The following CCDC171 variants were observed in gnomAD, a reference collection of about 807,000 sequenced individuals.
CCDC171 encodes the protein coiled-coil domain containing 171.
A neutral mutation model predicts 168.2 loss-of-function variants in CCDC171; 177 were observed. The observed-to-expected ratio is 1.05, with a 90% CI of 0.93 to 1.19. The LOEUF (loss-of-function observed/expected upper bound fraction) is 1.19, where lower values mean the gene tolerates loss of function less well. Ranked by LOEUF, CCDC171 falls within the 50% of genes most tolerant of loss-of-function variation. The pLI is 0.00. For missense variants in CCDC171, 1,991 were observed against 1,539.0 expected, an observed-to-expected ratio of 1.29 and a Z score of -4.91; for synonymous variants, 687 against 540.8, an observed-to-expected ratio of 1.27 and a Z score of -3.75.
At chr9:16,090,646 A>G in the CCDC171 span, among the ~76,000 whole-genome samples, 1 of 152,214 alleles carries the variant, frequency 6.6e-6, no homozygotes, top group African/African-American at 2.4e-5. Flanking sequence ...ACTTTTATCT[A>G]CCTGTCCCCA....
At chr9:15,778,113 A>C (rs928915922) in intron 19 of CCDC171, among the ~76,000 whole-genome samples, 1 of 146,634 alleles carries the variant, frequency 6.8e-6, no homozygotes, top group African/African-American at 2.5e-5. Context: ...CTGGCTAACA[A>C]GGTGAAACCC....
chr9:15,612,521 G>C (rs2043773992), intron 6 of CCDC171, among the ~76,000 whole-genome samples: 1 of 152,134 alleles, frequency 6.6e-6, no homozygotes, highest in East Asian at 1.9e-4. Flanking sequence ...TCTTCTGATA[G>C]AACTGCAGTC....
upstream of CCDC171, among the ~76,000 whole-genome samples, chr9:16,038,928 A>G (rs888521155): frequency 5.3e-5 from 8 of 151,600 alleles, no homozygotes; most frequent in African/African-American, 1.9e-4. Flanking sequence ...GGCGAAATTT[A>G]TGATTACTGA....
At chr9:15,644,395 G>T (rs2046873379) in intron 7 of CCDC171, among the ~76,000 whole-genome samples, 3 of 152,168 alleles carry the variant, frequency 2.0e-5, no homozygotes, top group Admixed American at 1.3e-4. Context: ...GATGGTGGGT[G>T]CAGGACAGTG....
intron 18 of CCDC171, among the ~76,000 whole-genome samples, chr9:15,747,212 G>A (rs1192192412): frequency 6.6e-6 from 1 of 152,214 alleles, no homozygotes; most frequent in Non-Finnish European, 1.5e-5. Context: ...CAGCTCTGTG[G>A]ATGGGGCATA....
At chr9:15,556,457 T>C (rs1330360286) in intron 1 of CCDC171, among the ~76,000 whole-genome samples, 2 of 152,178 alleles carry the variant, frequency 1.3e-5, no homozygotes, top group African/African-American at 2.4e-5. Flanking sequence ...TGGTATCTCA[T>C]TGTGGTTTTG....
intron 3 of CCDC171, among the ~76,000 whole-genome samples, chr9:16,018,132 T>C (rs11999999): frequency 0.017 from 2,640 of 152,324 alleles, 75 homozygotes; most frequent in African/African-American, 0.059. Flanking sequence ...AGAATAGATG[T>C]TAGGTGCTAA....
intron 7 of CCDC171, among the ~76,000 whole-genome samples, chr9:15,649,263 A>T (rs1314933180): frequency 6.6e-6 from 1 of 152,224 alleles, no homozygotes; most frequent in Non-Finnish European, 1.5e-5. Flanking sequence ...TGAATTAAAG[A>T]CTTAAATGTT....
At chr9:15,603,553 C>T (rs1015931913) in intron 6 of CCDC171, among the ~76,000 whole-genome samples, 4 of 152,276 alleles carry the variant, frequency 2.6e-5, no homozygotes, top group East Asian at 3.9e-4. Context: ...TGGCTTCCAG[C>T]TCTATCCATG....
chr9:15,729,590 T>C lies in CCDC171; in HGVS notation c.1861-20T>C. 6.6e-7 allele frequency: 1 copy of C among 1,526,172 alleles called. No individual in the cohort carries two copies. 94.5% of individuals were successfully genotyped at this position (1,526,172 alleles called of 1,614,324 possible). On this transcript the variant is annotated intron_variant, in intron 15 of 25. Coordinates refer to ENST00000380701, the MANE Select transcript of CCDC171 (RefSeq NM_173550.4). ...TAGCTTGTGAGCATATTTCCTTCTC[T>C]GTTGCATCTCCCCGTATAGATAAGG...
intron 3 of CCDC171, among the ~76,000 whole-genome samples, chr9:15,991,982 C>T (rs1029821129): frequency 6.6e-6 from 1 of 152,128 alleles, no homozygotes; most frequent in Non-Finnish European, 1.5e-5. Flanking sequence ...GGATTCACAT[C>T]CAAATTCTAC....
chr9:16,061,945 A>G (rs899028208), downstream of CCDC171, among the ~76,000 whole-genome samples: 1 of 152,176 alleles, frequency 6.6e-6, no homozygotes, highest in African/African-American at 2.4e-5. Context: ...CCCTCCCACT[A>G]TGGCTGAATT....
chr9:16,093,158 C>A, the CCDC171 span, among the ~76,000 whole-genome samples: 1 of 152,222 alleles, frequency 6.6e-6, no homozygotes, highest in Non-Finnish European at 1.5e-5. Context: ...AAATAAGGGA[C>A]CTGCAAAGGT....
chr9:15,682,668 A>G (rs1192390325), intron 10 of CCDC171, among the ~76,000 whole-genome samples: 1 of 151,934 alleles, frequency 6.6e-6, no homozygotes, highest in African/African-American at 2.4e-5. Flanking sequence ...TTAATGGTAT[A>G]TAATTATTGT....
chr9:15,759,201 A>G (rs974719974), intron 18 of CCDC171, among the ~76,000 whole-genome samples: 8 of 152,170 alleles, frequency 5.3e-5, no homozygotes, highest in African/African-American at 1.7e-4. Flanking sequence ...ACATAGGTTT[A>G]TATCTTCATT....
intron 7 of CCDC171, among the ~76,000 whole-genome samples, chr9:15,643,358 C>T (rs543580499): frequency 6.6e-6 from 1 of 152,144 alleles, no homozygotes; most frequent in Non-Finnish European, 1.5e-5. Context: ...TGGGATAATG[C>T]TCATTCTGGT....
chr9:16,087,404 C>G, the CCDC171 span, among the ~76,000 whole-genome samples: 1 of 152,100 alleles, frequency 6.6e-6, no homozygotes, highest in Admixed American at 6.5e-5. Context: ...CTTTATGAAT[C>G]TGGGTGCCCT....
intron 9 of CCDC171, among the ~76,000 whole-genome samples, chr9:15,675,709 C>T (rs1482953174): frequency 2.0e-5 from 3 of 152,194 alleles, no homozygotes; most frequent in East Asian, 3.8e-4. Flanking sequence ...CCCTCACTCT[C>T]TTCTGGCTTG....
the CCDC171 span, among the ~76,000 whole-genome samples, chr9:16,105,972 C>T: frequency 6.6e-6 from 1 of 152,214 alleles, no homozygotes; most frequent in Non-Finnish European, 1.5e-5. Flanking sequence ...TTTGCATTAA[C>T]GACCTGCTTT....
Sources: gnomAD v4.1 joint callset for allele counts (sites outside exome capture counted in the v4.1 genomes callset) on GRCh38, gnomAD v4.1.1 for gene constraint, MANE v1.5 for transcripts, NCBI Gene and HGNC (gene_info 2026-07-23, HGNC 2026-07-21) for gene names.